UNC5C: variants seen among roughly 807,000 people sequenced by gnomAD.
The protein encoded by UNC5C is netrin receptor UNC5C.
In UNC5C, 47 loss-of-function variants were observed where a neutral mutation model predicts 99.8. That is an observed-to-expected ratio of 0.47 (90% CI 0.37 to 0.60). UNC5C has a LOEUF of 0.60. UNC5C is among the 20% of genes least tolerant of loss of function. UNC5C has a pLI of 0.00. For synonymous variants in UNC5C, 487 were observed against 452.2 expected (o/e 1.08, Z -0.98); for missense variants, 1,062 against 1,165.9 (o/e 0.91, Z 1.30).
intron 1 of UNC5C, among the ~76,000 whole-genome samples, chr4:95,353,267 A>C (rs1218415961): frequency 6.6e-6 from 1 of 152,128 alleles, no homozygotes; most frequent in Non-Finnish European, 1.5e-5. Flanking sequence ...AAAACTTTTC[A>C]TTTTAAGTGA....
intron 1 of UNC5C, among the ~76,000 whole-genome samples, chr4:95,337,448 T>A (rs1743394513): frequency 6.6e-6 from 1 of 151,958 alleles, no homozygotes; most frequent in Non-Finnish European, 1.5e-5. Flanking sequence ...AAAAACTTCA[T>A]AGGCACTAAA....
chr4:95,295,338 G>A (rs997222525), intron 3 of UNC5C, among the ~76,000 whole-genome samples: 3 of 152,072 alleles, frequency 2.0e-5, no homozygotes, highest in East Asian at 1.9e-4. Flanking sequence ...TACCAGACCC[G>A]CCTAGGAAAT....
chr4:95,333,805 G>A (rs1237145713), intron 2 of UNC5C, among the ~76,000 whole-genome samples: 3 of 152,106 alleles, frequency 2.0e-5, no homozygotes, highest in Admixed American at 2.0e-4. Flanking sequence ...GCCTGAATAT[G>A]TTGTAACGTA....
At chr4:95,367,469 G>A (rs143796303) in intron 1 of UNC5C, among the ~76,000 whole-genome samples, 171 of 152,040 alleles carry the variant, frequency 1.1e-3, no homozygotes, top group African/African-American at 3.8e-3. Context: ...GTGAGCCACC[G>A]TACTGGCCTT....
At chr4:95,186,165 T>G (rs1342345310) in intron 12 of UNC5C, among the ~76,000 whole-genome samples, 8 of 152,182 alleles carry the variant, frequency 5.3e-5, no homozygotes. Context: ...TCTCATGCCT[T>G]AAAAGTTTTA....
At chr4:95,396,952 C>T (rs186283351) in intron 1 of UNC5C, among the ~76,000 whole-genome samples, 154 of 152,142 alleles carry the variant, frequency 1.0e-3, no homozygotes, top group African/African-American at 2.7e-3. Flanking sequence ...TTAAGCATAT[C>T]AACATTTACG....
intron 14 of UNC5C, among the ~76,000 whole-genome samples, chr4:95,178,237 C>T (rs28502630): frequency 0.019 from 2,953 of 152,298 alleles, 105 homozygotes; most frequent in African/African-American, 0.068. Context: ...TAAGGATGCA[C>T]CTCTAATAGT....
At chr4:95,186,541 C>T (rs1039991227) in intron 12 of UNC5C, among the ~76,000 whole-genome samples, 1 of 152,200 alleles carries the variant, frequency 6.6e-6, no homozygotes, top group Non-Finnish European at 1.5e-5. Flanking sequence ...CAAGATGCTG[C>T]GTTAGTGGTT....
At chr4:95,265,095 A>G (rs866045374) in intron 4 of UNC5C, among the ~76,000 whole-genome samples, 2 of 152,282 alleles carry the variant, frequency 1.3e-5, no homozygotes, top group South Asian at 4.1e-4. Flanking sequence ...GGGCCCAAGA[A>G]TCAGTGTAAA....
intron 3 of UNC5C, among the ~76,000 whole-genome samples, chr4:95,287,507 G>A (rs1004446458): frequency 1.3e-5 from 2 of 152,170 alleles, no homozygotes; most frequent in East Asian, 1.9e-4. Flanking sequence ...GTTAAGAGTG[G>A]TTATGATCTG....
chr4:95,401,082 C>T (rs542772971), intron 1 of UNC5C, among the ~76,000 whole-genome samples: 10 of 152,192 alleles, frequency 6.6e-5, no homozygotes, highest in African/African-American at 2.4e-4. Flanking sequence ...GATTTTCTCA[C>T]TAAAAGAAAT....
At chr4:95,252,336 G>A (rs1739777437) in intron 4 of UNC5C, among the ~76,000 whole-genome samples, 1 of 152,108 alleles carries the variant, frequency 6.6e-6, no homozygotes, top group South Asian at 2.1e-4. Context: ...GCATGGACAG[G>A]CTCCCTTAGT....
intron 2 of UNC5C, among the ~76,000 whole-genome samples, chr4:95,312,333 T>G (rs1742306238): frequency 6.6e-6 from 1 of 152,300 alleles, no homozygotes; most frequent in African/African-American, 2.4e-5. Flanking sequence ...ATCAGTACAG[T>G]AACTGGCACA....
chr4:95,285,712 C>T (rs764608152), intron 3 of UNC5C, among the ~76,000 whole-genome samples: 1 of 152,096 alleles, frequency 6.6e-6, no homozygotes, highest in Non-Finnish European at 1.5e-5. Flanking sequence ...TAAAACCCAG[C>T]ATTAAAAAGT....
At chr4:95,467,662 G>GTC (rs1479969675) in intron 1 of UNC5C, among the ~76,000 whole-genome samples, 17 of 152,074 alleles carry the variant, frequency 1.1e-4, no homozygotes. Flanking sequence ...CTTAGGAAGG[G>GTC]TCAATACAGT....
At chr4:95,340,669 T>C (rs1353297667) in intron 1 of UNC5C, among the ~76,000 whole-genome samples, 3 of 152,106 alleles carry the variant, frequency 2.0e-5, no homozygotes, top group Non-Finnish European at 4.4e-5. Context: ...CAAACTTTTT[T>C]TTGCTTTTAA....
At chr4:95,381,745 G>A (rs1238500000) in intron 1 of UNC5C, among the ~76,000 whole-genome samples, 2 of 151,944 alleles carry the variant, frequency 1.3e-5, no homozygotes. Context: ...TGATTAAATG[G>A]CAATGTAAGT....
chr4:95,281,891 G>C (rs550731686), intron 3 of UNC5C, among the ~76,000 whole-genome samples: 1 of 152,184 alleles, frequency 6.6e-6, no homozygotes, highest in Non-Finnish European at 1.5e-5. Flanking sequence ...TGCATAGCAG[G>C]ATACTTGGCA....
At chr4:95,400,252 C>T (rs553633650) in intron 1 of UNC5C, among the ~76,000 whole-genome samples, 5 of 152,178 alleles carry the variant, frequency 3.3e-5, no homozygotes, top group Non-Finnish European at 7.4e-5. Flanking sequence ...ACCTTGCTGG[C>T]TTTGAAGAAG....
Sources: gnomAD v4.1 joint callset for allele counts (sites outside exome capture counted in the v4.1 genomes callset) on GRCh38, gnomAD v4.1.1 for gene constraint, MANE v1.5 for transcripts, NCBI Gene and HGNC (gene_info 2026-07-23, HGNC 2026-07-21) for gene names.